The following RAG1 variants were observed in gnomAD, a reference collection of about 807,000 sequenced individuals.
The protein encoded by RAG1 is V(D)J recombination-activating protein 1.
Under a neutral mutation model 62.7 loss-of-function variants are expected in RAG1, and 35 were observed. The ratio of observed to expected loss-of-function variants is 0.56; its 90% confidence interval spans 0.43 to 0.74. The LOEUF is 0.74. Among genes scored for constraint, RAG1 ranks in the 30% least tolerant of loss-of-function variants. RAG1 has a pLI of 0.00. For missense variants in RAG1, 1,169 were observed against 1,278.6 expected, an observed-to-expected ratio of 0.91 and a Z score of 1.31; for synonymous variants, 461 against 470.3, an observed-to-expected ratio of 0.98 and a Z score of 0.26.
chr11:36,557,899 A>G lies in RAG1; in HGVS notation c.-411-5486A>G, dbSNP rs376479879. On this transcript the variant is annotated intron_variant and NMD_transcript_variant, in intron 3 of 9. Coordinates refer to the RAG1 transcript ENST00000534663. ...TCTGTTATGGATCAAACTTTATAGT[A>G]TATTGATCTTATAGTGTAAGTCTCA... Among the ~76,000 whole-genome samples the G allele has an allele frequency of 3.9e-5, 6 of 152,304 alleles. No individual in the cohort carries two copies. In the Middle Eastern group the frequency reaches 0.01, roughly 259 times the overall value.
chr11:36,567,049 G>T (rs1311112085), upstream of RAG1, among the ~76,000 whole-genome samples: 2 of 152,140 alleles, frequency 1.3e-5, no homozygotes, highest in Non-Finnish European at 2.9e-5. Context: ...AGAGACAGAG[G>T]TGTGTATACA....
intron 1 of RAG1, chr11:36,520,089 A>G (rs918263872): frequency 2.0e-5 from 3 of 152,142 alleles, no homozygotes; most frequent in Non-Finnish European, 2.9e-5. Flanking sequence ...CCACTATCCC[A>G]CAGTTCCTAA....
rs943471079 is a variant in RAG1 at position 36,535,684 on chromosome 11, G to T, written n.429-275G>T. 4.6e-5 allele frequency among the ~76,000 whole-genome samples: 7 copies of T among 152,224 alleles called. No individual in the cohort carries two copies. In the East Asian group the frequency reaches 1.3e-3, roughly 29 times the overall value. On this transcript the variant is annotated intron_variant and non_coding_transcript_variant, in intron 2 of 2. Coordinates refer to the RAG1 transcript ENST00000529126. ...CACTTGAACCTGGGAGGTGGATGTT[G>T]CAGTGAGCCAAGATAGAGCCACTGT... is the stretch of plus-strand genomic sequence containing the variant.
chr11:36,528,747 G>A (rs1860205798), intron 2 of RAG1, among the ~76,000 whole-genome samples: 1 of 151,674 alleles, frequency 6.6e-6, no homozygotes, highest in Non-Finnish European at 1.5e-5. Context: ...TAGACCACTA[G>A]CAAGACTAAT....
chr11:36,576,794 G>C lies in RAG1; in HGVS notation c.*358G>C. 1 of 266,972 alleles carries C rather than the reference G, an allele frequency of 3.7e-6. No homozygotes were observed. The highest frequency in any genetic ancestry group is 5.0e-5 in the Admixed American group (1 of 20,104). 16.5% of individuals were successfully genotyped at this position (266,972 alleles called of 1,614,324 possible). ...AAGAACAGCCAGTGAGGCCAGGAAA[G>C]AAATTGGTCTTGTGGTTTTCATTTT... On this transcript the variant is annotated 3_prime_UTR_variant, in exon 2 of 2. Transcript: ENST00000299440.
At chr11:36,551,601 C>CTTTTTTT (rs199642455) in intron 3 of RAG1, among the ~76,000 whole-genome samples, 9 of 133,188 alleles carry the variant, frequency 6.8e-5, no homozygotes, top group South Asian at 2.5e-4. Flanking sequence ...TTAATTACTT[C>CTTTTTTT]TTTTTTTTTT....
chr11:36,526,543 C>T (rs926494530), intron 2 of RAG1, among the ~76,000 whole-genome samples: 4 of 152,058 alleles, frequency 2.6e-5, no homozygotes, highest in African/African-American at 9.7e-5. Flanking sequence ...AATAAACATA[C>T]GTGTGCATGT....
At chr11:36,519,721 C>T (rs774699626) in intron 1 of RAG1, among the ~76,000 whole-genome samples, 7 of 152,156 alleles carry the variant, frequency 4.6e-5, no homozygotes, top group Admixed American at 2.0e-4. Context: ...TGTGTTCCAT[C>T]TGGCTCTTGG....
At position 36,559,601 on chromosome 11, in the gene RAG1, A is replaced by G. The variant is rs1432317701; in HGVS notation, c.-411-3784A>G. On this transcript the variant is annotated intron_variant and NMD_transcript_variant, in intron 3 of 9. Transcript: ENST00000534663. Reference sequence around the variant, plus strand: ...TCTTTTTGTCTGATTGGGTTATTTCAAAAGACTTGTTTTCAAGTTCAGAAG... The same window carrying G: ...TCTTTTTGTCTGATTGGGTTATTTCGAAAGACTTGTTTTCAAGTTCAGAAG... Among the ~76,000 whole-genome samples the G allele has an allele frequency of 4.6e-5, 7 of 152,018 alleles. No homozygotes were observed. In the East Asian group the frequency reaches 1.2e-3, roughly 25 times the overall value.
chr11:36,531,316 C>T (rs186638252), intron 2 of RAG1, among the ~76,000 whole-genome samples: 1 of 151,774 alleles, frequency 6.6e-6, no homozygotes, highest in African/African-American at 2.4e-5. Context: ...ATATTAAGGC[C>T]ATTTTCTTAA....
At chr11:36,533,726 C>T (rs1348132734) in intron 2 of RAG1, among the ~76,000 whole-genome samples, 1 of 151,884 alleles carries the variant, frequency 6.6e-6, no homozygotes, top group Non-Finnish European at 1.5e-5. Context: ...CTATTCTTTC[C>T]TTGTTAAGTA....
In RAG1 at chr11:36,575,655, C is replaced by T; in HGVS notation, c.2351C>T (p.Ala784Val). 2 of 1,614,196 alleles carry T rather than the reference C, an allele frequency of 1.2e-6. No individual in the cohort carries two copies. Among genetic ancestry groups the T allele is most frequent in the Non-Finnish European group, 1.7e-6 (2 of 1,180,012 alleles). Reference protein sequence around the residue: ...ELRDRVKGVSAKPFIETVPSI... With the variant: ...ELRDRVKGVSVKPFIETVPSI... Reference sequence around the variant, plus strand: ...CGGGATCGGGTGAAAGGGGTCTCAGCTAAACCTTTCATTGAGACAGTCCCT... The same window carrying T: ...CGGGATCGGGTGAAAGGGGTCTCAGTTAAACCTTTCATTGAGACAGTCCCT... Residue 784 changes from alanine to valine, a missense_variant, in exon 2 of 2, where the codon GCT becomes GTT. Ala to Val is a moderately conservative substitution (Grantham distance 64, BLOSUM62 0). Around this residue, in one of 2 missense-constraint regions of RAG1, gnomAD observed 800 missense variants for 943.3 expected, o/e 0.85. Coordinates refer to ENST00000299440, the MANE Select transcript of RAG1 (RefSeq NM_000448.3). The surrounding 1 kb of genome is among the most constrained non-coding windows in gnomAD (Gnocchi z 4.1).
At chr11:36,551,508 CTG>C (rs1850481881) in intron 3 of RAG1, among the ~76,000 whole-genome samples, 2 of 151,480 alleles carry the variant, frequency 1.3e-5, no homozygotes, top group South Asian at 4.2e-4. Flanking sequence ...TGTCTTCCCT[CTG>C]TGTGTGTCTG....
chr11:36,527,824 C>G (rs540435316), intron 2 of RAG1, among the ~76,000 whole-genome samples: 12 of 152,160 alleles, frequency 7.9e-5, no homozygotes, highest in African/African-American at 2.6e-4. Flanking sequence ...ATTTTATTCT[C>G]TTTGTGGCAA....
At chr11:36,530,720 G>A (rs374817331) in intron 2 of RAG1, among the ~76,000 whole-genome samples, 1 of 151,758 alleles carries the variant, frequency 6.6e-6, no homozygotes, top group African/African-American at 2.4e-5. Flanking sequence ...GAAATTTGTC[G>A]AGTTTCTTTA....
rs760869236 is a variant in RAG1 at position 36,575,590 on chromosome 11, C to G, written c.2286C>G (p.Val762=). ...CTGAGAACCTGGAACGTTATGAGGT[C>G]TGGCGTTCCAACCCTTACCATGAGT... ...SHAENLERYE[V]WRSNPYHESV... Residue 762 remains valine (V), a synonymous_variant, in exon 2 of 2, where the codon GTC becomes GTG. Transcript: ENST00000299440. The surrounding 1 kb of genome is among the most constrained non-coding windows in gnomAD (Gnocchi z 4.1). 3.1e-6 allele frequency: 5 copies of G among 1,614,102 alleles called. No homozygotes were observed. In the East Asian group the frequency reaches 1.1e-4, roughly 36 times the overall value.
At chr11:36,518,973 A>G (rs1860036963) in intron 1 of RAG1, among the ~76,000 whole-genome samples, 1 of 152,214 alleles carries the variant, frequency 6.6e-6, no homozygotes, top group Non-Finnish European at 1.5e-5. Flanking sequence ...AGTAATGTTC[A>G]TGTTCTGAAT....
chr11:36,544,643 C>T (rs577151255), intron 3 of RAG1, among the ~76,000 whole-genome samples: 2 of 152,104 alleles, frequency 1.3e-5, no homozygotes, highest in African/African-American at 2.4e-5. Context: ...TCTTGAAGAC[C>T]GTTGCATTTA....
chr11:36,538,511 A>G (rs1860366212), downstream of RAG1, among the ~76,000 whole-genome samples: 1 of 152,206 alleles, frequency 6.6e-6, no homozygotes, highest in African/African-American at 2.4e-5. Flanking sequence ...GGTTTGTTGT[A>G]CACTTTGCAG....
Sources: gnomAD v4.1 joint callset for allele counts (sites outside exome capture counted in the v4.1 genomes callset) on GRCh38, gnomAD v4.1.1 for gene constraint, gnomAD v4.1.1 regional missense constraint, Gnocchi (gnomAD v3.1) non-coding constraint, MANE v1.5 for transcripts, NCBI Gene and HGNC (gene_info 2026-07-23, HGNC 2026-07-21) for gene names.